The following NEMF variants were observed in gnomAD, a reference collection of about 807,000 sequenced individuals.
The protein encoded by NEMF is ribosome quality control complex subunit NEMF.
Under a neutral mutation model 162.2 loss-of-function variants are expected in NEMF, and 89 were observed. The observed-to-expected ratio is 0.55, with a 90% confidence interval of 0.46 to 0.65. NEMF has a LOEUF of 0.65. Ranked by LOEUF, NEMF falls within the 30% of genes least tolerant of loss-of-function variation. The probability of loss-of-function intolerance (pLI) is 0.00; values close to 1 mark genes in which losing one functional copy is unlikely to be tolerated. For missense variants in NEMF, 1,133 were observed against 1,261.9 expected (o/e 0.90, Z 1.55); for synonymous variants, 421 against 404.5 (o/e 1.04, Z -0.49).
chr14:49,820,082 G>C (rs1386077831), intron 16 of NEMF: 7 of 187,494 alleles, frequency 3.7e-5, no homozygotes, highest in Non-Finnish European at 3.3e-5. Flanking sequence ...CACCCGAGTA[G>C]CTTGGTCTAC....
At chr14:49,835,705 G>A (rs1292544815) in intron 6 of NEMF, among the ~76,000 whole-genome samples, 1 of 152,036 alleles carries the variant, frequency 6.6e-6, no homozygotes, top group Non-Finnish European at 1.5e-5. Context: ...GATTCTAAAG[G>A]AAGAAGTAAA....
Position 49,783,569 on chromosome 14 carries a change from G to A in NEMF, c.*1067C>T, listed in dbSNP as rs1890016745. The A allele has an allele frequency of 6.6e-6, 1 of 152,004 alleles. No individual in the cohort carries two copies. Among genetic ancestry groups the A allele is most frequent in the Non-Finnish European group, 1.5e-5 (1 of 68,000 alleles). The allele number at this position is 152,004 out of a possible 1,614,324, so 9.4% of individuals were successfully genotyped here. A position where few individuals can be genotyped will look rare whatever the true frequency, so the allele number is the denominator to read the frequency against. ...TTAATAGGTTTTATAGCTCATGAAG[G>A]AATGGAAATAATGATGACATCATTT... On this transcript the variant is annotated 3_prime_UTR_variant, in exon 33 of 33. Coordinates refer to ENST00000298310, the MANE Select transcript of NEMF (RefSeq NM_004713.6).
rs1410899792 is a variant in NEMF at position 49,782,661 on chromosome 14, A to G, written c.*1975T>C. ...TGTTTCCTAAGACTTAGCACTCTCG[A>G]AAAACTAGGTTTATGGATTATTTAA... On this transcript the variant is annotated 3_prime_UTR_variant, in exon 33 of 33. Transcript: ENST00000298310. 3 of 1,410,134 alleles carry G rather than the reference A, an allele frequency of 2.1e-6. No homozygotes were observed. 87.4% of individuals were successfully genotyped at this position (1,410,134 alleles called of 1,614,324 possible). A position where few individuals can be genotyped will look rare whatever the true frequency, so the allele number is the denominator to read the frequency against.
intron 18 of NEMF, among the ~76,000 whole-genome samples, chr14:49,811,878 G>A (rs778943907): frequency 1.8e-4 from 27 of 151,996 alleles, no homozygotes; most frequent in Non-Finnish European, 2.6e-4. Context: ...ATTTATAACC[G>A]GTATTGGTCT....
At chr14:49,796,722 T>C (rs766041860) in intron 25 of NEMF, among the ~76,000 whole-genome samples, 1 of 152,240 alleles carries the variant, frequency 6.6e-6, no homozygotes, top group Non-Finnish European at 1.5e-5. Flanking sequence ...TTAAAGGGTA[T>C]AGTCCAAAAT....
Position 49,784,041 on chromosome 14 carries a change from T to C in NEMF, c.*595A>G, listed in dbSNP as rs55921750. On this transcript the variant is annotated 3_prime_UTR_variant, in exon 33 of 33. Transcript: ENST00000298310. ...CAAGCCACTTCACTGTTCAGTTTCT[T>C]TACATCATGAAATGAATACTTGGTA... 1 of 151,914 alleles carries C rather than the reference T, an allele frequency of 6.6e-6. No homozygotes were observed. Among genetic ancestry groups the C allele is most frequent in the African/African-American group, 2.4e-5 (1 of 41,356 alleles). 9.4% of individuals were successfully genotyped at this position (151,914 alleles called of 1,614,324 possible). A position where few individuals can be genotyped will look rare whatever the true frequency, so the allele number is the denominator to read the frequency against.
At chr14:49,791,878 A>G (rs1447599932) in intron 26 of NEMF, among the ~76,000 whole-genome samples, 1 of 152,194 alleles carries the variant, frequency 6.6e-6, no homozygotes, top group East Asian at 1.9e-4. Flanking sequence ...TGATGACAAC[A>G]GAGTTTCTTA....
intron 16 of NEMF, chr14:49,820,342 C>A (rs1022662170): frequency 1.0e-4 from 45 of 443,110 alleles, no homozygotes; most frequent in Non-Finnish European, 1.8e-4. Flanking sequence ...TTAATGAATA[C>A]CTTTTGAGTT....
At chr14:49,829,565 C>G in intron 11 of NEMF, 139 bp from the exon 12 acceptor site, 2 of 688,076 alleles carry the variant, frequency 2.9e-6, no homozygotes, top group Non-Finnish European at 4.9e-6. Context: ...GTCTACCACC[C>G]TAGGCCTATC....
At chr14:49,785,743 C>T (rs1890141820) in intron 29 of NEMF, 1 of 180,412 alleles carries the variant, frequency 5.5e-6, no homozygotes, top group Non-Finnish European at 1.2e-5. Flanking sequence ...TAAAAGTTAG[C>T]TGGGTATAGT....
intron 5 of NEMF, 127 bp downstream of exon 5, chr14:49,840,589 TTA>T (rs1231890014): frequency 5.4e-6 from 4 of 740,652 alleles, no homozygotes; most frequent in Non-Finnish European, 8.6e-6. Context: ...ACAAAATATT[TTA>T]TCTCACAGTT....
intron 4 of NEMF, among the ~76,000 whole-genome samples, chr14:49,843,496 A>T (rs546113102): frequency 1.3e-5 from 2 of 152,326 alleles, no homozygotes; most frequent in East Asian, 3.9e-4. Context: ...TCTATCTCAA[A>T]AAAATAAAAA....
intron 29 of NEMF, among the ~76,000 whole-genome samples, 166 bp downstream of exon 29, chr14:49,786,552 T>A (rs1890188438): frequency 6.6e-6 from 1 of 152,324 alleles, no homozygotes; most frequent in South Asian, 2.1e-4. Context: ...TTTCCAAGTT[T>A]GTACAGTTAC....
chr14:49,811,710 GT>G (rs1233487913), intron 18 of NEMF, among the ~76,000 whole-genome samples: 1 of 152,118 alleles, frequency 6.6e-6, no homozygotes, highest in East Asian at 1.9e-4. Context: ...ATCCATGTGT[GT>G]TTTTTGTCCT....
In NEMF at chr14:49,829,411, T is replaced by G; in HGVS notation, c.961A>C (p.Lys321Gln). The change falls in exon 12 of 33, where the codon AAG (lysine) becomes CAG (glutamine). Residue 321 changes from lysine to glutamine, a missense_variant. By Grantham distance (53) the Lys-to-Gln change is moderately conservative. Around this residue, in one of 3 missense-constraint regions of NEMF, gnomAD observed 582 missense variants for 631.5 expected, o/e 0.92. Transcript: ENST00000298310. ...TCCTTTCGAACATTATCTAATTTCT[T>G]CAATGCTTGCTTTTCCTTTTATTGG... Reference protein sequence around the residue: ...KALQQEKQALKKLDNVRKDHE... With the variant: ...KALQQEKQALQKLDNVRKDHE... The G allele has an allele frequency of 6.2e-7, 1 of 1,613,828 alleles. No homozygotes were observed.
intron 3 of NEMF, among the ~76,000 whole-genome samples, chr14:49,848,273 T>TAA (rs1893609006): frequency 2.0e-5 from 3 of 152,294 alleles, no homozygotes; most frequent in Admixed American, 1.3e-4. Flanking sequence ...TCATTCTTTA[T>TAA]TAAATCCCCT....
At chr14:49,832,364 C>T in intron 8 of NEMF, 87 bp from the exon 9 acceptor site, 2 of 886,812 alleles carry the variant, frequency 2.3e-6, no homozygotes, top group Non-Finnish European at 3.5e-6. Flanking sequence ...GTCGCGCTCG[C>T]TCCATCACCC....
chr14:49,799,565 T>A, intron 24 of NEMF, 41 bp from the exon 25 acceptor site: 1 of 1,598,306 alleles, frequency 6.3e-7, no homozygotes, highest in Non-Finnish European at 8.5e-7. Flanking sequence ...ATATCACTAT[T>A]AACTTTTTTG....
In NEMF at chr14:49,828,702, CTTTTG is replaced by C. The variant is rs760750640; in HGVS notation, c.1333_1337del (p.Gln445GlufsTer2). 6 of 1,606,832 alleles carry C rather than the reference CTTTTG, an allele frequency of 3.7e-6. No individual in the cohort carries two copies. Among genetic ancestry groups the C allele is most frequent in the African/African-American group, 1.3e-5 (1 of 74,632 alleles). ...TCTGAGGCTTCTGCAGCTGTTTATT[CTTTTG>C]TTTTTTCTTTTTTCCTTTTGGTGGT... On this transcript the variant is annotated frameshift_variant, in exon 14 of 33. Transcript: ENST00000298310. LOFTEE classifies it high-confidence loss of function.
Sources: gnomAD v4.1 joint callset for allele counts (sites outside exome capture counted in the v4.1 genomes callset) on GRCh38, gnomAD v4.1.1 for gene constraint, gnomAD v4.1.1 regional missense constraint, MANE v1.5 for transcripts, NCBI Gene and HGNC (gene_info 2026-07-23, HGNC 2026-07-21) for gene names.